Variants in SLC2A9 observed in about 807,000 individuals in gnomAD.
SLC2A9 encodes solute carrier family 2, facilitated glucose transporter member 9.
Under a neutral mutation model 50.6 loss-of-function variants are expected in SLC2A9, and 39 were observed. The observed-to-expected ratio is 0.77, with a 90% confidence interval of 0.60 to 1.01. The LOEUF (loss-of-function observed/expected upper bound fraction) is 1.01, where lower values mean the gene tolerates loss of function less well. SLC2A9 is among the 50% of genes least tolerant of loss of function. SLC2A9 has a pLI of 0.00. For missense variants in SLC2A9, 686 were observed against 677.6 expected, an observed-to-expected ratio of 1.01 and a Z score of -0.14; for synonymous variants, 324 against 276.9, an observed-to-expected ratio of 1.17 and a Z score of -1.69.
chr4:9,956,915 C>T (rs1259046148), intron 5 of SLC2A9, among the ~76,000 whole-genome samples: 1 of 152,056 alleles, frequency 6.6e-6, no homozygotes, highest in East Asian at 1.9e-4. Flanking sequence ...AGGTTTTTAG[C>T]CCAGTTTTAG....
intron 11 of SLC2A9, among the ~76,000 whole-genome samples, chr4:9,829,539 C>T (rs187978732): frequency 6.7e-6 from 1 of 150,130 alleles, no homozygotes; most frequent in East Asian, 1.9e-4. Context: ...AACTAAAGAG[C>T]TTCTCCACTG....
At chr4:10,018,934 A>AG (rs1437841971) in intron 2 of SLC2A9, 41 bp downstream of exon 2, 40 of 1,540,516 alleles carry the variant, frequency 2.6e-5, no homozygotes, top group Non-Finnish European at 3.3e-5. Flanking sequence ...AGGTTTCCGC[A>AG]GGGCCGCAGC....
chr4:9,837,559 T>C (rs1463987590), intron 10 of SLC2A9, among the ~76,000 whole-genome samples: 3 of 152,242 alleles, frequency 2.0e-5, no homozygotes, highest in Admixed American at 6.5e-5. Context: ...CAATGTACAA[T>C]GCAGTAGAAC....
intron 10 of SLC2A9, among the ~76,000 whole-genome samples, chr4:9,846,941 T>A (rs995615019): frequency 6.6e-6 from 1 of 152,212 alleles, no homozygotes; most frequent in Non-Finnish European, 1.5e-5. Context: ...TATTTTCTCT[T>A]AGTCACCAGG....
intron 3 of SLC2A9, among the ~76,000 whole-genome samples, chr4:9,799,700 C>CCCCCCA (rs1553813199): frequency 0.037 from 3,454 of 93,454 alleles, 63 homozygotes; most frequent in African/African-American, 0.046. Flanking sequence ...GTACCCCCCC[C>CCCCCCA]CCACCCAACT....
intron 10 of SLC2A9, among the ~76,000 whole-genome samples, chr4:9,882,617 G>A (rs529081468): frequency 4.0e-5 from 6 of 151,546 alleles, no homozygotes; most frequent in African/African-American, 9.7e-5. Context: ...GCTGAGGCAG[G>A]AGAATGGCGT....
intron 10 of SLC2A9, among the ~76,000 whole-genome samples, chr4:9,852,662 G>A (rs950488380): frequency 6.6e-6 from 1 of 152,152 alleles, no homozygotes; most frequent in African/African-American, 2.4e-5. Context: ...AAGTGCTAAG[G>A]GAATTCATTA....
chr4:9,801,717 C>T (rs1389133458), intron 3 of SLC2A9, among the ~76,000 whole-genome samples: 2 of 152,170 alleles, frequency 1.3e-5, no homozygotes, highest in African/African-American at 2.4e-5. Context: ...CAGGAACTGT[C>T]CCCCCGAGCA....
At chr4:9,977,655 T>C (rs73227883) in intron 5 of SLC2A9, among the ~76,000 whole-genome samples, 66,081 of 149,464 alleles carry the variant, frequency 0.44, 15,259 homozygotes, top group Non-Finnish European at 0.52. Flanking sequence ...CCCGCCCCCA[T>C]TGCCTCTCTC....
chr4:10,024,507 A>G (rs1209545133), upstream of SLC2A9, among the ~76,000 whole-genome samples: 1 of 152,182 alleles, frequency 6.6e-6, no homozygotes, highest in African/African-American at 2.4e-5. Flanking sequence ...CACTTCTGCC[A>G]AGAAGGGAGG....
At chr4:9,812,502 T>TC (rs1723018655) in intron 3 of SLC2A9, among the ~76,000 whole-genome samples, 1 of 152,136 alleles carries the variant, frequency 6.6e-6, no homozygotes, top group Admixed American at 6.5e-5. Context: ...CATGTTTTTT[T>TC]TTTTTTCCTC....
At chr4:9,774,281 C>T (rs888139268) in intron 1 of SLC2A9, among the ~76,000 whole-genome samples, 3 of 152,038 alleles carry the variant, frequency 2.0e-5, no homozygotes, top group Non-Finnish European at 4.4e-5. Flanking sequence ...GCGTGAGCCA[C>T]CACATCTGGC....
chr4:9,919,482 C>T (rs1327423082), intron 7 of SLC2A9, among the ~76,000 whole-genome samples: 1 of 152,164 alleles, frequency 6.6e-6, no homozygotes, highest in South Asian at 2.1e-4. Flanking sequence ...CTTCCCTAGA[C>T]ACCCCCAAAC....
intron 4 of SLC2A9, among the ~76,000 whole-genome samples, chr4:9,981,583 T>A (rs148989815): frequency 3.3e-5 from 5 of 152,302 alleles, no homozygotes; most frequent in African/African-American, 1.2e-4. Flanking sequence ...TTTAAAAAAA[T>A]TATTTTGCCC....
chr4:9,778,455 A>G (rs1329151020), downstream of SLC2A9, among the ~76,000 whole-genome samples: 1 of 152,074 alleles, frequency 6.6e-6, no homozygotes, highest in Non-Finnish European at 1.5e-5. Flanking sequence ...TGAAGTCAGC[A>G]GGGATTGTTC....
At chr4:9,836,742 C>T (rs775905501) in intron 10 of SLC2A9, among the ~76,000 whole-genome samples, 3 of 152,164 alleles carry the variant, frequency 2.0e-5, no homozygotes, top group Non-Finnish European at 2.9e-5. Flanking sequence ...GGTCACTGCT[C>T]TTTGGAGAAA....
At chr4:9,954,167 G>C (rs986270816) in intron 5 of SLC2A9, among the ~76,000 whole-genome samples, 2 of 152,020 alleles carry the variant, frequency 1.3e-5, no homozygotes, top group African/African-American at 4.8e-5. Flanking sequence ...CAAACTCCGG[G>C]GCTCAAGAGA....
chr4:9,870,836 G>A (rs968054563), intron 10 of SLC2A9, among the ~76,000 whole-genome samples: 5 of 152,210 alleles, frequency 3.3e-5, no homozygotes, highest in African/African-American at 1.2e-4. Flanking sequence ...CATGGGGAGA[G>A]GAGGGTCTCC....
At chr4:9,892,351 CAT>C (rs1016577501) in intron 8 of SLC2A9, among the ~76,000 whole-genome samples, 3 of 149,474 alleles carry the variant, frequency 2.0e-5, no homozygotes, top group Admixed American at 6.6e-5. Flanking sequence ...CTGATGACCA[CAT>C]GTCTCTAAAA....
Sources: allele counts gnomAD v4.1 joint callset (sites outside exome capture counted in the v4.1 genomes callset), GRCh38; gene constraint gnomAD v4.1.1; transcripts MANE v1.5; gene names NCBI Gene and HGNC (gene_info 2026-07-23, HGNC 2026-07-21).